The following ARNT2 variants were observed in gnomAD, a reference collection of about 807,000 sequenced individuals.
ARNT2 encodes the protein ARNT protein 2.
In ARNT2, 36 loss-of-function variants were observed where a neutral mutation model predicts 91.7. The ratio of observed to expected loss-of-function variants is 0.39; its 90% CI spans 0.30 to 0.52. ARNT2 has a LOEUF of 0.52. ARNT2 is among the 20% of genes least tolerant of loss of function. The probability of loss-of-function intolerance (pLI) is 0.72; values close to 1 mark genes in which losing one functional copy is unlikely to be tolerated. For synonymous variants in ARNT2, 365 were observed against 347.1 expected (o/e 1.05, Z -0.57); for missense variants, 775 against 939.3 (o/e 0.83, Z 2.29).
intron 2 of ARNT2, among the ~76,000 whole-genome samples, chr15:80,454,612 C>T (rs1896455333): frequency 6.6e-6 from 1 of 152,202 alleles, no homozygotes; most frequent in Non-Finnish European, 1.5e-5. Context: ...CTGGCCAGTC[C>T]AGGCTCTGAA....
In ARNT2 at chr15:80,481,856, C is replaced by T. The variant is rs540721549; in HGVS notation, c.622+6633C>T. Among the ~76,000 whole-genome samples, 5 of 152,344 alleles carry T rather than the reference C, an allele frequency of 3.3e-5. No individual in the cohort carries two copies. In the South Asian group the frequency reaches 1.0e-3, roughly 32 times the overall value. On this transcript the variant is annotated intron_variant, in intron 5 of 18. Coordinates refer to ENST00000303329, the MANE Select transcript of ARNT2 (RefSeq NM_014862.4). ...TCAAGCAGTCCTTCAGCCTCATCCT[C>T]CCATGTAGCTGGGACTACAGGTGTA...
chr15:80,577,727 G>A (rs1483518515), intron 15 of ARNT2, among the ~76,000 whole-genome samples: 2 of 152,374 alleles, frequency 1.3e-5, no homozygotes, highest in East Asian at 3.9e-4. Context: ...CGGCCACCCA[G>A]AGAGAGGCCC....
intron 12 of ARNT2, among the ~76,000 whole-genome samples, chr15:80,565,214 C>A (rs1387325445): frequency 6.6e-6 from 1 of 152,158 alleles, no homozygotes; most frequent in African/African-American, 2.4e-5. Context: ...TGTGAGCCAC[C>A]ATGCCCAGCC....
intron 17 of ARNT2, among the ~76,000 whole-genome samples, chr15:80,586,965 C>G (rs1893184343): frequency 6.6e-6 from 1 of 152,094 alleles, no homozygotes; most frequent in African/African-American, 2.4e-5. Flanking sequence ...TTTTGCTGAT[C>G]TGAAATGTTT....
intron 5 of ARNT2, among the ~76,000 whole-genome samples, chr15:80,505,304 C>T (rs1439301531): frequency 6.6e-6 from 1 of 152,084 alleles, no homozygotes; most frequent in East Asian, 1.9e-4. Flanking sequence ...ATGAAGGGGA[C>T]AAGACCAGAG....
chr15:80,574,489 C>T lies in ARNT2; in HGVS notation c.1389+269C>T, dbSNP rs1465351967. Among the ~76,000 whole-genome samples, 1 of 152,160 alleles carries T rather than the reference C, an allele frequency of 6.6e-6. No individual in the cohort carries two copies. Among genetic ancestry groups the T allele is most frequent in the Non-Finnish European group, 1.5e-5 (1 of 68,034 alleles). On this transcript the variant is annotated intron_variant, in intron 13 of 18. Coordinates refer to ENST00000303329, the MANE Select transcript of ARNT2 (RefSeq NM_014862.4). Reference sequence around the variant, plus strand: ...CTGAGGGACATTTCTGAGGACCATGCGTGAACTGTAGTATGAGTATACTCA... The same window carrying T: ...CTGAGGGACATTTCTGAGGACCATGTGTGAACTGTAGTATGAGTATACTCA...
chr15:80,514,780 G>A (rs900746696), intron 8 of ARNT2, among the ~76,000 whole-genome samples: 56 of 152,142 alleles, frequency 3.7e-4, no homozygotes, highest in African/African-American at 1.2e-3. Context: ...CAGCTACTTC[G>A]GAGGCTGAGG....
intron 1 of ARNT2, among the ~76,000 whole-genome samples, chr15:80,432,037 A>C (rs1458047801): frequency 6.6e-6 from 1 of 152,244 alleles, no homozygotes; most frequent in African/African-American, 2.4e-5. Context: ...GATCCTTGTG[A>C]AAGTTTTTCT....
At chr15:80,447,830 G>A (rs1407640626) in intron 1 of ARNT2, among the ~76,000 whole-genome samples, 4 of 152,160 alleles carry the variant, frequency 2.6e-5, no homozygotes, top group Admixed American at 1.3e-4. Flanking sequence ...TAGTCTCATC[G>A]ATTGCATTTT....
At position 80,505,924 on chromosome 15, in the gene ARNT2, G is replaced by GTTTTTTTTTTTTTTTTTTT. The variant is rs1486880107; in HGVS notation, c.623-2230_623-2229insTTTTTTTTTTTTTTTTTTT. ...AAAGAAAAAATGATTCCCAACATTT[G>GTTTTTTTTTTTTTTTTTTT]TTGTTTTTTTTTTTTTTTTTTTTGA... On this transcript the variant is annotated intron_variant, in intron 5 of 18. Transcript: ENST00000303329. 3.4e-4 allele frequency among the ~76,000 whole-genome samples: 24 copies of GTTTTTTTTTTTTTTTTTTT among 71,164 alleles called. 2 individuals are homozygous for GTTTTTTTTTTTTTTTTTTT. The highest frequency in any genetic ancestry group is 1.6e-3 in the African/African-American group (24 of 15,214). 46.7% of individuals were successfully genotyped at this position (71,164 alleles called of 152,430 possible). A position where few individuals can be genotyped will look rare whatever the true frequency, so the allele number is the denominator to read the frequency against.
At chr15:80,464,209 G>A (rs1355679307) in intron 3 of ARNT2, among the ~76,000 whole-genome samples, 13 of 152,098 alleles carry the variant, frequency 8.5e-5, no homozygotes, top group Admixed American at 7.9e-4. Flanking sequence ...GGTGGTGAGA[G>A]AGAGGCAGCA....
rs550626268 is a variant in ARNT2, at chr15:80,513,094, T to C, written c.726-817T>C. Reference sequence around the variant, plus strand: ...TAACTAGACTCTTATCCCTGCTGTATTGAAAATTAAGATATTCAGGATATC... The same window carrying C: ...TAACTAGACTCTTATCCCTGCTGTACTGAAAATTAAGATATTCAGGATATC... On this transcript the variant is annotated intron_variant, in intron 6 of 18. Transcript: ENST00000303329. Among the ~76,000 whole-genome samples the C allele has an allele frequency of 3.2e-4, 49 of 152,338 alleles. 1 individual carries two copies. The highest frequency in any genetic ancestry group is 1.1e-3 in the African/African-American group (46 of 41,574).
At chr15:80,519,009 T>G (rs185598856) in intron 8 of ARNT2, among the ~76,000 whole-genome samples, 1 of 152,300 alleles carries the variant, frequency 6.6e-6, no homozygotes, top group East Asian at 1.9e-4. Flanking sequence ...TGGGGGCCCA[T>G]TTTTGTACAT....
At chr15:80,584,833 A>G (rs996730549) in intron 17 of ARNT2, among the ~76,000 whole-genome samples, 1 of 152,216 alleles carries the variant, frequency 6.6e-6, no homozygotes, top group African/African-American at 2.4e-5. Context: ...GGTTGATCCC[A>G]GCCTCCTGCT....
chr15:80,491,868 A>AT (rs1595984905), intron 5 of ARNT2, among the ~76,000 whole-genome samples: 1 of 55,330 alleles, frequency 1.8e-5, no homozygotes, highest in Non-Finnish European at 3.4e-5. Context: ...TTTTTTGGTG[A>AT]TTTTTTGCTT....
intron 8 of ARNT2, among the ~76,000 whole-genome samples, chr15:80,522,510 G>A (rs76997368): frequency 1.8e-3 from 270 of 152,230 alleles, no homozygotes; most frequent in East Asian, 0.011. Flanking sequence ...TTAAACAGAC[G>A]TAGGTGGTAT....
intron 12 of ARNT2, among the ~76,000 whole-genome samples, chr15:80,572,970 T>G (rs1448244179): frequency 6.6e-6 from 1 of 152,256 alleles, no homozygotes; most frequent in Non-Finnish European, 1.5e-5. Flanking sequence ...ACAGCCAACT[T>G]TGCATGGGTA....
At chr15:80,540,677 C>T (rs1897891104) in intron 8 of ARNT2, among the ~76,000 whole-genome samples, 1 of 152,000 alleles carries the variant, frequency 6.6e-6, no homozygotes, top group Non-Finnish European at 1.5e-5. Context: ...ATCCCAGTGT[C>T]TATTGTTGCC....
intron 12 of ARNT2, chr15:80,573,922 C>A: frequency 1.8e-6 from 1 of 542,366 alleles, no homozygotes; most frequent in South Asian, 2.4e-5. Context: ...AGTCACACGT[C>A]AAAATTGGTT....
Sources: gnomAD v4.1 joint callset for allele counts (sites outside exome capture counted in the v4.1 genomes callset) on GRCh38, gnomAD v4.1.1 for gene constraint, MANE v1.5 for transcripts, NCBI Gene and HGNC (gene_info 2026-07-23, HGNC 2026-07-21) for gene names.